Variants in MCPH1 observed in about 807,000 individuals in gnomAD.
The protein encoded by MCPH1 is microcephalin 1, also known as microcephalin.
In MCPH1, 104 loss-of-function variants were observed where a neutral mutation model predicts 84.5. The ratio of observed to expected loss-of-function variants is 1.23; its 90% confidence interval spans 1.05 to 1.45. MCPH1 has a LOEUF of 1.45. Among genes scored for constraint, MCPH1 ranks in the 40% most tolerant of loss-of-function variants. The pLI is 0.00. For synonymous variants in MCPH1, 514 were observed against 366.8 expected, an observed-to-expected ratio of 1.40 and a Z score of -4.58; for missense variants, 1,498 against 1,005.7, an observed-to-expected ratio of 1.49 and a Z score of -6.62.
At chr8:6,578,889 C>T (rs1341559249) in intron 12 of MCPH1, among the ~76,000 whole-genome samples, 3 of 152,194 alleles carry the variant, frequency 2.0e-5, no homozygotes, top group Admixed American at 2.0e-4. Context: ...TTCTCTGGCC[C>T]ATGTTATTCC....
chr8:6,445,487 G>C lies in MCPH1; in HGVS notation c.1765G>C (p.Asp589His), dbSNP rs1804204903. The C allele has an allele frequency of 1.2e-6, 2 of 1,613,904 alleles. No individual in the cohort carries two copies. Among genetic ancestry groups the C allele is most frequent in the Non-Finnish European group, 1.7e-6 (2 of 1,180,006 alleles). ...QSEHEPCFIV[D>H]CNMETSTEEK... ...TGAACATGAGCCATGTTTTATAGTT[G>C]ACTGTAACATGGAGACGTCTACAGA... The change falls in exon 8 of 14, where the codon GAC (aspartate) becomes CAC (histidine). Residue 589 changes from aspartate (D) to histidine (H), a missense_variant. Asp to His is a moderately conservative substitution (Grantham distance 81, BLOSUM62 -1). Coordinates refer to ENST00000344683, the MANE Select transcript of MCPH1 (RefSeq NM_024596.5).
intron 9 of MCPH1, among the ~76,000 whole-genome samples, chr8:6,466,293 C>T (rs575242538): frequency 7.3e-5 from 11 of 151,534 alleles, no homozygotes; most frequent in East Asian, 1.9e-4. Flanking sequence ...CGTTCCATCA[C>T]GCCTGGCTAA....
At chr8:6,524,576 A>C (rs1188775634) in intron 12 of MCPH1, among the ~76,000 whole-genome samples, 2 of 152,246 alleles carry the variant, frequency 1.3e-5, no homozygotes, top group Non-Finnish European at 2.9e-5. Flanking sequence ...CTTCCGTTTA[A>C]CAGAGATGTA....
chr8:6,629,093 G>A (rs1237278086), intron 13 of MCPH1, among the ~76,000 whole-genome samples: 1 of 152,224 alleles, frequency 6.6e-6, no homozygotes, highest in Non-Finnish European at 1.5e-5. Flanking sequence ...TGGAGCTAGG[G>A]CCTTTAAAGA....
intron 9 of MCPH1, among the ~76,000 whole-genome samples, chr8:6,462,593 G>A (rs761246025): frequency 2.0e-5 from 3 of 152,164 alleles, no homozygotes; most frequent in South Asian, 2.1e-4. Context: ...GCATGGCAGC[G>A]CAGTGTTGCT....
chr8:6,511,832 C>G (rs1459414971), intron 12 of MCPH1, among the ~76,000 whole-genome samples: 1 of 151,400 alleles, frequency 6.6e-6, no homozygotes, highest in Non-Finnish European at 1.5e-5. Context: ...TGTCAGCGTA[C>G]AAGGGTAATG....
chr8:6,515,969 C>T (rs1816191151), intron 12 of MCPH1, among the ~76,000 whole-genome samples: 1 of 152,162 alleles, frequency 6.6e-6, no homozygotes, highest in Non-Finnish European at 1.5e-5. Context: ...CCTGATGCCT[C>T]ATTGCCAGTG....
At position 6,605,730 on chromosome 8, in the gene MCPH1, C is replaced by G. The variant is rs577334725; in HGVS notation, c.2215-15724C>G. Reference sequence around the variant, plus strand: ...TTTTTTTTTATGACACAGAGTCTCACTCTGTCACCCAGGCTGGAGTGCAGT... The same window carrying G: ...TTTTTTTTTATGACACAGAGTCTCAGTCTGTCACCCAGGCTGGAGTGCAGT... On this transcript the variant is annotated intron_variant, in intron 12 of 13. Coordinates refer to ENST00000344683, the MANE Select transcript of MCPH1 (RefSeq NM_024596.5). 3.3e-5 allele frequency among the ~76,000 whole-genome samples: 5 copies of G among 152,210 alleles called. No individual in the cohort carries two copies. The South Asian group carries it at 1.0e-3, about 32-fold the overall frequency.
rs1369961362 is a variant in MCPH1 at position 6,647,469 on chromosome 8, G to A, written c.*4420G>A. On this transcript the variant is annotated 3_prime_UTR_variant, in exon 14 of 14. Coordinates refer to ENST00000344683, the MANE Select transcript of MCPH1 (RefSeq NM_024596.5). ...AAAACATGGATCTGCACAAGGTCTT[G>A]TATACAAATGTTCATAGCAACATTA... The A allele has an allele frequency of 6.6e-6, 1 of 152,188 alleles. No individual in the cohort carries two copies. The highest frequency in any genetic ancestry group is 1.5e-5 in the Non-Finnish European group (1 of 68,040). The allele number at this position is 152,188 out of a possible 1,614,324, so 9.4% of individuals were successfully genotyped here. A position where few individuals can be genotyped will look rare whatever the true frequency, so the allele number is the denominator to read the frequency against.
At chr8:6,431,068 G>C (rs1353696750) in intron 3 of MCPH1, among the ~76,000 whole-genome samples, 1 of 152,148 alleles carries the variant, frequency 6.6e-6, no homozygotes, top group African/African-American at 2.4e-5. Flanking sequence ...AACACAAAAA[G>C]GACAACCCAA....
At chr8:6,483,439 G>T (rs940422118) in intron 11 of MCPH1, among the ~76,000 whole-genome samples, 2 of 152,196 alleles carry the variant, frequency 1.3e-5, no homozygotes, top group Non-Finnish European at 2.9e-5. Context: ...TCAAGCTGTG[G>T]TCCTCAAGGC....
At chr8:6,419,791 A>C (rs917816255) in intron 3 of MCPH1, among the ~76,000 whole-genome samples, 3 of 151,894 alleles carry the variant, frequency 2.0e-5, no homozygotes, top group African/African-American at 7.3e-5. Flanking sequence ...GAGCCACTGC[A>C]CCCAGCTGAT....
At chr8:6,642,615 G>T in intron 13 of MCPH1, 1 of 364,894 alleles carries the variant, frequency 2.7e-6, no homozygotes, top group Non-Finnish European at 5.3e-6. Context: ...CTTATACTCT[G>T]CCTTATGCCA....
In MCPH1 at chr8:6,412,164, C is replaced by T. The variant is rs532546300; in HGVS notation, c.115-2601C>T. ...AGTAAGAGGTCAGTGGAGAGGAATCCGAATATAGGAGCAGGGCCTGCACTG... is the reference window on the plus strand; with the variant it reads ...AGTAAGAGGTCAGTGGAGAGGAATCTGAATATAGGAGCAGGGCCTGCACTG... On this transcript the variant is annotated intron_variant, in intron 2 of 13. Transcript: ENST00000344683. Among the ~76,000 whole-genome samples the T allele has an allele frequency of 5.0e-4, 76 of 152,160 alleles. No individual in the cohort carries two copies. In the South Asian group the frequency reaches 6.2e-3, roughly 12 times the overall value.
chr8:6,514,549 G>A (rs1201449809), intron 12 of MCPH1: 22 of 795,036 alleles, frequency 2.8e-5, no homozygotes, highest in Non-Finnish European at 4.6e-5. Flanking sequence ...GGAGACTGAA[G>A]CACCAATTTT....
chr8:6,568,545 G>C (rs1263318174), intron 12 of MCPH1, among the ~76,000 whole-genome samples: 1 of 152,224 alleles, frequency 6.6e-6, no homozygotes, highest in African/African-American at 2.4e-5. Flanking sequence ...GGGGCCACCA[G>C]CCTGACCCAG....
chr8:6,626,150 G>A (rs1266052787), intron 13 of MCPH1: 24 of 985,032 alleles, frequency 2.4e-5, no homozygotes, highest in South Asian at 4.7e-5. Context: ...AATTTCTTTC[G>A]ACCTCAGCTC....
chr8:6,505,357 ATATG>A (rs1195523755), intron 12 of MCPH1, among the ~76,000 whole-genome samples: 1 of 83,260 alleles, frequency 1.2e-5, no homozygotes, highest in African/African-American at 5.6e-5. Flanking sequence ...TATTCTTTCT[ATATG>A]TATATAGAAT....
intron 13 of MCPH1, chr8:6,627,291 G>C (rs1376249173): frequency 5.1e-6 from 5 of 985,330 alleles, no homozygotes; most frequent in South Asian, 4.7e-5. Flanking sequence ...GTCGCAGAGA[G>C]GGGAGGCCAT....
Sources: gnomAD v4.1 joint callset for allele counts (sites outside exome capture counted in the v4.1 genomes callset) on GRCh38, gnomAD v4.1.1 for gene constraint, MANE v1.5 for transcripts, NCBI Gene and HGNC (gene_info 2026-07-23, HGNC 2026-07-21) for gene names.